ATF1: variants seen among roughly 807,000 people sequenced by gnomAD.
The protein encoded by ATF1 is cyclic AMP-dependent transcription factor ATF-1.
Under a neutral mutation model 34.7 loss-of-function variants are expected in ATF1, and 16 were observed. The ratio of observed to expected loss-of-function variants is 0.46; its 90% confidence interval spans 0.31 to 0.70. ATF1 has a LOEUF of 0.70. Among genes scored for constraint, ATF1 ranks in the 30% least tolerant of loss-of-function variants. ATF1 has a pLI of 0.05. For synonymous variants in ATF1, 105 were observed against 113.1 expected (o/e 0.93, Z 0.46); for missense variants, 255 against 321.6 (o/e 0.79, Z 1.58).
chr12:50,798,851 A>T (rs1014847422), intron 3 of ATF1, among the ~76,000 whole-genome samples: 13 of 152,318 alleles, frequency 8.5e-5, no homozygotes, highest in African/African-American at 3.1e-4. Context: ...CACCTCATAC[A>T]TTTCTACCAA....
chr12:50,781,740 C>T (rs971986266), intron 2 of ATF1, among the ~76,000 whole-genome samples: 2 of 151,870 alleles, frequency 1.3e-5, no homozygotes, highest in Admixed American at 1.3e-4. Flanking sequence ...CGTGAGCCAC[C>T]GTGCCCGGCC....
At chr12:50,815,800 AG>A in intron 6 of ATF1, among the ~76,000 whole-genome samples, 1 of 152,216 alleles carries the variant, frequency 6.6e-6, no homozygotes, top group Admixed American at 6.5e-5. Context: ...AATATATCAG[AG>A]GGATACCTGT....
chr12:50,811,945 C>T (rs188134301), intron 4 of ATF1, among the ~76,000 whole-genome samples: 13 of 152,218 alleles, frequency 8.5e-5, no homozygotes, highest in Non-Finnish European at 1.3e-4. Context: ...AATAGAACTT[C>T]GTATGATAAT....
At position 50,780,190 on chromosome 12, in the gene ATF1, A is replaced by G. The variant is rs61735520; in HGVS notation, c.45A>G (p.Gln15=). The G allele has an allele frequency of 1.9e-3, 3,140 of 1,613,954 alleles. 63 individuals are homozygous for G. The African/African-American group carries it at 0.038, about 19-fold the overall frequency. The stretch of plus-strand genomic sequence containing the variant: ...GTACCACGTCAGAGACAGCACCTCA[A>G]CCTGGTTCAGCAGTTCAGGGAGCTC... ...HKSTTSETAP[Q]PGSAVQGAHI... is the part of the protein sequence containing the mutation. The change falls in exon 2 of 7, where the codon CAA becomes CAG. Residue 15 remains glutamine, a synonymous_variant. Coordinates refer to ENST00000262053, the MANE Select transcript of ATF1 (RefSeq NM_005171.5).
chr12:50,782,588 T>C (rs1399649921), intron 2 of ATF1, among the ~76,000 whole-genome samples: 1 of 137,332 alleles, frequency 7.3e-6, no homozygotes, highest in Non-Finnish European at 1.5e-5. Context: ...AGAGACAGAG[T>C]CTCACTATGT....
At chr12:50,802,693 G>A (rs952425755) in intron 3 of ATF1, among the ~76,000 whole-genome samples, 1 of 151,530 alleles carries the variant, frequency 6.6e-6, no homozygotes, top group African/African-American at 2.4e-5. Context: ...CCAATATGGT[G>A]AAACCCTGTC....
At position 50,778,311 on chromosome 12, in the gene ATF1, C is replaced by T. The variant is rs1226364569; in HGVS notation, c.-6-1829C>T. ...TACGATCTCAGCTCACTGCAACCTC[C>T]ACCTCCCGGGTTCAAATGATTCTCC... On this transcript the variant is annotated intron_variant, in intron 1 of 6. Coordinates refer to ENST00000262053, the MANE Select transcript of ATF1 (RefSeq NM_005171.5). 6.1e-5 allele frequency among the ~76,000 whole-genome samples: 9 copies of T among 148,478 alleles called. No homozygotes were observed. In the South Asian group the frequency reaches 8.6e-4, roughly 14 times the overall value.
chr12:50,819,798 T>A lies in ATF1; in HGVS notation c.*19T>A. ...TGTTTGATTCCTAAGAAAGAAAATATTTTTGTGGACATGCATAAAAATTAA... is the reference window on the plus strand; with the variant it reads ...TGTTTGATTCCTAAGAAAGAAAATAATTTTGTGGACATGCATAAAAATTAA... On this transcript the variant is annotated 3_prime_UTR_variant, in exon 7 of 7. Coordinates refer to ENST00000262053, the MANE Select transcript of ATF1 (RefSeq NM_005171.5). 2.0e-6 allele frequency: 3 copies of A among 1,494,586 alleles called. No homozygotes were observed. The highest frequency in any genetic ancestry group is 1.8e-6 in the Non-Finnish European group (2 of 1,099,898). The allele number at this position is 1,494,586 out of a possible 1,614,324, so 92.6% of individuals were successfully genotyped here.
At chr12:50,793,701 G>GTTA (rs10665389) in intron 2 of ATF1, among the ~76,000 whole-genome samples, 139,784 of 151,304 alleles carry the variant, frequency 0.92, 65,024 homozygotes, top group Non-Finnish European at 0.98. Flanking sequence ...TTAATTATTG[G>GTTA]TTATTTCTTA....
chr12:50,800,979 T>C (rs1941500510), intron 3 of ATF1, among the ~76,000 whole-genome samples: 2 of 152,114 alleles, frequency 1.3e-5, no homozygotes, highest in Admixed American at 1.3e-4. Context: ...CAGGCGCCTG[T>C]AATCCCAGCT....
chr12:50,819,526 G>T (rs774430176), intron 6 of ATF1, 109 bp from the exon 7 acceptor site: 24 of 1,254,592 alleles, frequency 1.9e-5, no homozygotes, highest in South Asian at 2.8e-5. Flanking sequence ...GTGTGTAGAT[G>T]ATACTTTAAA....
At chr12:50,794,276 G>A (rs866434267) in intron 2 of ATF1, among the ~76,000 whole-genome samples, 7 of 145,948 alleles carry the variant, frequency 4.8e-5, no homozygotes, top group African/African-American at 1.7e-4. Context: ...TAAAAATTAA[G>A]ATGAAGTCGG....
In ATF1 at chr12:50,819,870, G is replaced by C. The variant is rs1360258688; in HGVS notation, c.*91G>C. The stretch of plus-strand genomic sequence containing the variant: ...TATAAATTAAAAGGTCAAAACTGAA[G>C]CTTTTTATTTAGGCTTTTCCAAATC... On this transcript the variant is annotated 3_prime_UTR_variant, in exon 7 of 7. Transcript: ENST00000262053. The C allele has an allele frequency of 5.4e-6, 6 of 1,113,812 alleles. No homozygotes were observed. In the Admixed American group the frequency reaches 1.7e-4, roughly 31 times the overall value. 69.0% of individuals were successfully genotyped at this position (1,113,812 alleles called of 1,614,324 possible).
intron 1 of ATF1, among the ~76,000 whole-genome samples, chr12:50,775,132 G>A (rs1351689720): frequency 6.6e-6 from 1 of 151,470 alleles, no homozygotes; most frequent in Non-Finnish European, 1.5e-5. Flanking sequence ...TGAGATAATG[G>A]GCTGTCTCTG....
At chr12:50,777,147 C>T (rs1940945469) in intron 1 of ATF1, among the ~76,000 whole-genome samples, 2 of 152,140 alleles carry the variant, frequency 1.3e-5, no homozygotes, top group South Asian at 4.1e-4. Flanking sequence ...AGCCACACTG[C>T]CCAGCCTATG....
chr12:50,805,561 CAAA>C (rs370613978), intron 3 of ATF1, among the ~76,000 whole-genome samples: 30 of 53,836 alleles, frequency 5.6e-4, no homozygotes, highest in African/African-American at 1.6e-3. Flanking sequence ...CTGTCTGTCT[CAAA>C]AAAAAAAAAA....
chr12:50,814,820 C>CTTTTTTTTTT (rs35936124), intron 6 of ATF1, among the ~76,000 whole-genome samples: 1 of 140,600 alleles, frequency 7.1e-6, no homozygotes. Context: ...ATACCTTCTA[C>CTTTTTTTTTT]TTTTTTTTTT....
intron 1 of ATF1, among the ~76,000 whole-genome samples, chr12:50,774,298 G>A (rs1452685128): frequency 6.6e-6 from 1 of 152,190 alleles, no homozygotes; most frequent in Non-Finnish European, 1.5e-5. Flanking sequence ...GCCTCCCAAA[G>A]TGTTGGGATT....
intron 4 of ATF1, among the ~76,000 whole-genome samples, chr12:50,812,885 A>G (rs892160677): frequency 2.6e-5 from 4 of 152,188 alleles, no homozygotes; most frequent in Non-Finnish European, 4.4e-5. Context: ...AAACTCATAA[A>G]TTAAAGTTGG....
Sources: gnomAD v4.1 joint callset for allele counts (sites outside exome capture counted in the v4.1 genomes callset) on GRCh38, gnomAD v4.1.1 for gene constraint, MANE v1.5 for transcripts, NCBI Gene and HGNC (gene_info 2026-07-23, HGNC 2026-07-21) for gene names.